The following TULP2 variants were observed in gnomAD, a reference collection of about 807,000 sequenced individuals.
TULP2 encodes the protein tubby-related protein 2.
TULP2 carries 64 observed loss-of-function variants against 60.3 expected under a neutral mutation model. That is an observed-to-expected ratio of 1.06 (90% CI 0.87 to 1.31). TULP2 has a LOEUF of 1.31. Among genes scored for constraint, TULP2 ranks in the 50% most tolerant of loss-of-function variants. TULP2 has a pLI of 0.00. For synonymous variants in TULP2, 267 were observed against 265.4 expected (o/e 1.01, Z -0.06); for missense variants, 652 against 667.0 (o/e 0.98, Z 0.25).
At chr19:48,895,978 G>A (rs543085639) in intron 4 of TULP2, among the ~76,000 whole-genome samples, 13 of 152,260 alleles carry the variant, frequency 8.5e-5, no homozygotes, top group African/African-American at 3.1e-4. Flanking sequence ...CAGCCCTGCC[G>A]CTGGATTGTT....
At chr19:48,892,135 TTCTC>T (rs891302044) in intron 6 of TULP2, among the ~76,000 whole-genome samples, 2 of 152,188 alleles carry the variant, frequency 1.3e-5, no homozygotes, top group African/African-American at 4.8e-5. Context: ...ATGGAGGCCT[TTCTC>T]TCTCACTAAT....
rs753408375 is a variant in TULP2 at position 48,883,975 on chromosome 19, C to G, written c.1133G>C (p.Arg378Thr). 3.1e-6 allele frequency: 5 copies of G among 1,614,120 alleles called. No homozygotes were observed. Among genetic ancestry groups the G allele is most frequent in the Non-Finnish European group, 4.2e-6 (5 of 1,180,040 alleles). Residue 378 changes from arginine to threonine, a missense_variant, in exon 10 of 13, where the codon AGG becomes ACG. Coordinates refer to ENST00000221399, the MANE Select transcript of TULP2 (RefSeq NM_003323.3). The part of the protein sequence containing the change: ...GVNPDREHLT[R>T]NTARIRQELG... ...CTCCTGTCTGATCCGGGCAGTATTC[C>G]TGGTTAAATGCTCCCGGTCAGGATT... is the stretch of plus-strand genomic sequence containing the variant.
chr19:48,881,193 CTTTTTTTTTTTTTTTTTCTTTTT>C, intron 12 of TULP2, 67 bp from the exon 13 acceptor site: 5 of 293,944 alleles, frequency 1.7e-5, no homozygotes, highest in South Asian at 1.6e-4. Flanking sequence ...AGAACTGAGA[CTTTTTTTTTTTTTTTTTCTTTTT>C]TTTTTTTTTT....
intron 6 of TULP2, among the ~76,000 whole-genome samples, chr19:48,890,302 A>G (rs1420372252): frequency 1.3e-5 from 2 of 152,032 alleles, no homozygotes; most frequent in Non-Finnish European, 2.9e-5. Flanking sequence ...AAAGCACAGC[A>G]CTTGATTCTT....
At chr19:48,889,126 G>A (rs149134834) in intron 7 of TULP2, among the ~76,000 whole-genome samples, 7,635 of 151,574 alleles carry the variant, frequency 0.05, 313 homozygotes, top group African/African-American at 0.11. Flanking sequence ...ACTGGCGTGC[G>A]CCACCACACC....
intron 8 of TULP2, among the ~76,000 whole-genome samples, chr19:48,885,809 C>T (rs1488398490): frequency 6.6e-6 from 1 of 151,862 alleles, no homozygotes; most frequent in Admixed American, 6.6e-5. Context: ...TGCTTGAACC[C>T]AGGGGGCAGA....
At chr19:48,887,461 A>G (rs1274804089) in intron 8 of TULP2, among the ~76,000 whole-genome samples, 1 of 151,114 alleles carries the variant, frequency 6.6e-6, no homozygotes, top group Non-Finnish European at 1.5e-5. Context: ...AGTAGCTTGG[A>G]CTACAGGCAC....
intron 8 of TULP2, among the ~76,000 whole-genome samples, chr19:48,886,567 G>C (rs577013143): frequency 2.8e-4 from 42 of 152,110 alleles, no homozygotes; most frequent in Non-Finnish European, 5.3e-4. Context: ...CTCTTTCTAG[G>C]GGGAGAGAGG....
At chr19:48,892,105 C>G (rs1267444556) in intron 6 of TULP2, among the ~76,000 whole-genome samples, 1 of 152,202 alleles carries the variant, frequency 6.6e-6, no homozygotes, top group Non-Finnish European at 1.5e-5. Flanking sequence ...AGACAGATGC[C>G]TCCTTCTTAT....
chr19:48,884,128 C>A, intron 9 of TULP2, 82 bp from the exon 10 acceptor site: 2 of 1,095,736 alleles, frequency 1.8e-6, no homozygotes, highest in Non-Finnish European at 2.7e-6. Context: ...TCGACTCTTC[C>A]CATCAATCCC....
At chr19:48,888,357 C>T (rs900784619) in intron 7 of TULP2, 96 bp from the exon 8 acceptor site, 13 of 1,296,198 alleles carry the variant, frequency 1.0e-5, no homozygotes, top group Non-Finnish European at 1.4e-5. Flanking sequence ...CCCGCCCTTG[C>T]CCATCCACAT....
chr19:48,896,378 C>A, intron 4 of TULP2, 52 bp downstream of exon 4: 1 of 1,536,492 alleles, frequency 6.5e-7, no homozygotes, highest in South Asian at 1.2e-5. Context: ...CGCCCACAGA[C>A]TCCCACAGGC....
In TULP2 at chr19:48,889,584, G is replaced by A. The variant is rs765500951; in HGVS notation, c.562C>T (p.His188Tyr). The A allele has an allele frequency of 2.5e-6, 4 of 1,587,276 alleles. No homozygotes were observed. The highest frequency in any genetic ancestry group is 3.5e-6 in the Non-Finnish European group (4 of 1,157,976). The part of the protein sequence containing the change: ...ESDSQDMGDA[H>Y]KSPNMGPNPG... The stretch of plus-strand genomic sequence containing the variant: ...TTTGGTCCCATATTGGGTGACTTGT[G>A]TGCATCTCCCATATCCTGGGAGTCA... Residue 188 changes from histidine to tyrosine, a missense_variant, in exon 7 of 13, where the codon CAC becomes TAC. His to Tyr is a moderately conservative substitution (Grantham distance 83). Coordinates refer to ENST00000221399, the MANE Select transcript of TULP2 (RefSeq NM_003323.3).
intron 6 of TULP2, among the ~76,000 whole-genome samples, chr19:48,894,411 G>A (rs2037260071): frequency 6.6e-6 from 1 of 152,128 alleles, no homozygotes; most frequent in South Asian, 2.1e-4. Context: ...GGGAGGCTGA[G>A]GTGGGTGGAT....
rs377277020 is a variant in TULP2 at position 48,888,110 on chromosome 19, G to A, written c.788C>T (p.Ser263Phe). 2.8e-5 allele frequency: 46 copies of A among 1,614,086 alleles called. No individual in the cohort carries two copies. The highest frequency in any genetic ancestry group is 4.0e-5 in the African/African-American group (3 of 74,938). Residue 263 changes from serine (S) to phenylalanine (F), a missense_variant, in exon 8 of 13, where the codon TCC becomes TTC. Transcript: ENST00000221399. ...MRHEASLAIRSPCPGLEEDME... is the reference protein window; with the variant it reads ...MRHEASLAIRFPCPGLEEDME... ...GTCCTCCTCCAGCCCAGGGCAGGGG[G>A]AGCGGATTGCCAAGGAGGCTTCGTG...
intron 8 of TULP2, among the ~76,000 whole-genome samples, chr19:48,887,525 T>C (rs1266727388): frequency 1.3e-5 from 2 of 151,328 alleles, no homozygotes; most frequent in East Asian, 3.9e-4. Flanking sequence ...GGTTTTGCCA[T>C]GTTGTTCAGG....
intron 12 of TULP2, among the ~76,000 whole-genome samples, chr19:48,881,648 C>T (rs1409328710): frequency 6.6e-6 from 1 of 151,956 alleles, no homozygotes; most frequent in African/African-American, 2.4e-5. Flanking sequence ...TCCCAAAGTG[C>T]TGGGATTACA....
chr19:48,883,898 T>C (rs1375650296), intron 10 of TULP2, 34 bp downstream of exon 10: 1 of 1,613,804 alleles, frequency 6.2e-7, no homozygotes, highest in African/African-American at 1.3e-5. Flanking sequence ...CTTCTGACTA[T>C]CCTACCCCAT....
At chr19:48,890,694 T>C (rs891534132) in intron 6 of TULP2, among the ~76,000 whole-genome samples, 1 of 152,086 alleles carries the variant, frequency 6.6e-6, no homozygotes, top group Non-Finnish European at 1.5e-5. Flanking sequence ...TGGCCAGAAC[T>C]CCTGGGTTCT....
Sources: gnomAD v4.1 joint callset for allele counts (sites outside exome capture counted in the v4.1 genomes callset) on GRCh38, gnomAD v4.1.1 for gene constraint, MANE v1.5 for transcripts, NCBI Gene and HGNC (gene_info 2026-07-23, HGNC 2026-07-21) for gene names.